The following GRIA4 variants were observed in gnomAD, a reference collection of about 807,000 sequenced individuals.
GRIA4 encodes the protein glutamate ionotropic receptor AMPA type subunit 4, also known as glutamate receptor 4.
A neutral mutation model predicts 104.0 loss-of-function variants in GRIA4; 34 were observed. That is an observed-to-expected ratio of 0.33 (90% confidence interval 0.25 to 0.44). GRIA4 has a LOEUF of 0.44. Ranked by LOEUF, GRIA4 falls within the 20% of genes least tolerant of loss-of-function variation. The pLI is 1.00. For missense variants in GRIA4, 750 were observed against 1,096.5 expected (o/e 0.68, Z 4.46); for synonymous variants, 386 against 381.9 (o/e 1.01, Z -0.13).
At chr11:105,681,735 T>A (rs1181967221) in intron 3 of GRIA4, among the ~76,000 whole-genome samples, 1 of 152,158 alleles carries the variant, frequency 6.6e-6, no homozygotes, top group Non-Finnish European at 1.5e-5. Flanking sequence ...ATACACTGAG[T>A]TAAATAAAAT....
intron 3 of GRIA4, among the ~76,000 whole-genome samples, chr11:105,632,780 A>G (rs1951068403): frequency 6.6e-6 from 1 of 152,148 alleles, no homozygotes; most frequent in African/African-American, 2.4e-5. Flanking sequence ...CAAAATAATA[A>G]ATAATTAAAA....
intron 14 of GRIA4, among the ~76,000 whole-genome samples, chr11:105,970,218 C>G (rs926381029): frequency 2.6e-5 from 4 of 151,970 alleles, no homozygotes; most frequent in Non-Finnish European, 5.9e-5. Flanking sequence ...GAACAATGAA[C>G]CTAAGCCATA....
At chr11:105,615,567 A>G (rs535625292) in intron 3 of GRIA4, among the ~76,000 whole-genome samples, 3 of 151,910 alleles carry the variant, frequency 2.0e-5, no homozygotes, top group Non-Finnish European at 4.4e-5. Context: ...AATTACAAGT[A>G]TACATTTTTT....
intron 2 of GRIA4, among the ~76,000 whole-genome samples, chr11:105,611,874 T>C (rs1950490108): frequency 6.6e-6 from 1 of 152,216 alleles, no homozygotes; most frequent in Admixed American, 6.5e-5. Flanking sequence ...CTTTCTGATT[T>C]CCCTCTTCCC....
intron 11 of GRIA4, among the ~76,000 whole-genome samples, chr11:105,923,540 T>G (rs568651113): frequency 6.6e-5 from 10 of 152,232 alleles, no homozygotes; most frequent in African/African-American, 2.4e-4. Flanking sequence ...ACAGAATCCC[T>G]CAATAAATGC....
At chr11:105,750,298 A>G (rs900120942) in intron 3 of GRIA4, among the ~76,000 whole-genome samples, 1 of 152,162 alleles carries the variant, frequency 6.6e-6, no homozygotes, top group African/African-American at 2.4e-5. Flanking sequence ...AAAACCCAAT[A>G]ACCCTCACTT....
intron 3 of GRIA4, among the ~76,000 whole-genome samples, chr11:105,646,025 C>T (rs1454917230): frequency 1.3e-5 from 2 of 152,146 alleles, no homozygotes; most frequent in Non-Finnish European, 2.9e-5. Flanking sequence ...TGGTCTTTGA[C>T]ATTTTCCATT....
intron 3 of GRIA4, among the ~76,000 whole-genome samples, chr11:105,643,653 T>C (rs930884352): frequency 6.6e-6 from 1 of 152,212 alleles, no homozygotes; most frequent in African/African-American, 2.4e-5. Context: ...GTAGTGGTTC[T>C]TCTAACAAAG....
intron 3 of GRIA4, among the ~76,000 whole-genome samples, chr11:105,662,843 A>T (rs1464750328): frequency 6.6e-6 from 1 of 151,928 alleles, no homozygotes; most frequent in African/African-American, 2.4e-5. Context: ...AGGTTTTCTC[A>T]GAGTTACTGA....
At chr11:105,795,350 G>T (rs73552294) in intron 4 of GRIA4, among the ~76,000 whole-genome samples, 1,669 of 152,210 alleles carry the variant, frequency 0.011, 42 homozygotes, top group African/African-American at 0.037. Flanking sequence ...CACCATACAC[G>T]CACATAGTAG....
chr11:105,620,809 A>G (rs1591450118), intron 3 of GRIA4, among the ~76,000 whole-genome samples: 1 of 151,898 alleles, frequency 6.6e-6, no homozygotes, highest in East Asian at 1.9e-4. Flanking sequence ...TTATAGAAAA[A>G]TTATTTGATT....
chr11:105,707,698 TA>T (rs1401852534), intron 3 of GRIA4: 10 of 152,238 alleles, frequency 6.6e-5, no homozygotes, highest in African/African-American at 2.4e-4. Context: ...ATTAATAGTT[TA>T]AAAATGCAGA....
chr11:105,791,260 G>C (rs1015910139), intron 4 of GRIA4, among the ~76,000 whole-genome samples: 9 of 152,096 alleles, frequency 5.9e-5, no homozygotes, highest in African/African-American at 1.2e-4. Context: ...AATCACCAAA[G>C]TAAAGATATT....
chr11:105,698,366 C>A (rs1953362122), intron 3 of GRIA4, among the ~76,000 whole-genome samples: 1 of 152,036 alleles, frequency 6.6e-6, no homozygotes, highest in African/African-American at 2.4e-5. Context: ...AAAAACATGG[C>A]ATCTTTTGGT....
chr11:105,888,271 C>CTTTTT (rs71469040), intron 6 of GRIA4, among the ~76,000 whole-genome samples: 2,394 of 54,608 alleles, frequency 0.044, 631 homozygotes, highest in Non-Finnish European at 0.055. Flanking sequence ...ATGTTTTCTC[C>CTTTTT]TTTTTTTTTT....
At chr11:105,973,256 A>G (rs1591502540) in intron 15 of GRIA4, among the ~76,000 whole-genome samples, 1 of 152,272 alleles carries the variant, frequency 6.6e-6, no homozygotes, top group South Asian at 2.1e-4. Flanking sequence ...TCTGAATCAC[A>G]TTTTGCACAA....
Position 105,898,340 on chromosome 11 carries a change from T to C in GRIA4, c.798T>C (p.Asp266=). 1 of 1,580,296 alleles carries C rather than the reference T, an allele frequency of 6.3e-7. No homozygotes were observed. The highest frequency in any genetic ancestry group is 8.7e-7 in the Non-Finnish European group (1 of 1,149,390). The part of the protein sequence containing the change: ...GANVTGFQLV[D]FNTPMVIKLM... ...ATGTTACTGGATTCCAGTTGGTGGA[T>C]TTTAATACACCTATGGTAATCAAAC... Residue 266 remains aspartate, a synonymous_variant, in exon 7 of 17, where the codon GAT becomes GAC. Transcript: ENST00000282499.
intron 13 of GRIA4, among the ~76,000 whole-genome samples, chr11:105,929,890 CAG>C (rs1947823817): frequency 6.6e-6 from 1 of 152,040 alleles, no homozygotes; most frequent in Admixed American, 6.6e-5. Flanking sequence ...AGCAATAAAA[CAG>C]TGTTTTAGAT....
chr11:105,845,616 C>T (rs1485300103), intron 4 of GRIA4, among the ~76,000 whole-genome samples: 2 of 152,188 alleles, frequency 1.3e-5, no homozygotes, highest in Non-Finnish European at 2.9e-5. Context: ...GGCACGGTGG[C>T]TCACGCCTGT....
Sources: gnomAD v4.1 joint callset for allele counts (sites outside exome capture counted in the v4.1 genomes callset) on GRCh38, gnomAD v4.1.1 for gene constraint, MANE v1.5 for transcripts, NCBI Gene and HGNC (gene_info 2026-07-23, HGNC 2026-07-21) for gene names.